Variants in USP47 observed in about 807,000 individuals in gnomAD.
USP47 encodes ubiquitin carboxyl-terminal hydrolase 47.
A neutral mutation model predicts 165.1 loss-of-function variants in USP47; 35 were observed. The observed-to-expected ratio is 0.21, with a 90% CI of 0.16 to 0.28. The LOEUF (loss-of-function observed/expected upper bound fraction) is 0.28, where lower values mean the gene tolerates loss of function less well. Among genes scored for constraint, USP47 ranks in the 10% least tolerant of loss-of-function variants. The pLI, the probability that USP47 is intolerant of heterozygous loss-of-function variation, is 1.00. For missense variants in USP47, 1,277 were observed against 1,607.4 expected (o/e 0.79, Z 3.52); for synonymous variants, 531 against 544.5 (o/e 0.98, Z 0.35).
intron 19 of USP47, among the ~76,000 whole-genome samples, chr11:11,941,360 C>T (rs541151093): frequency 3.1e-4 from 47 of 151,906 alleles, no homozygotes; most frequent in African/African-American, 9.6e-4. Flanking sequence ...TTTCCTTAAA[C>T]GGTTAGCGTA....
At position 11,884,724 on chromosome 11, in the gene USP47, T is replaced by C. The variant is rs1024012269; in HGVS notation, c.357+144T>C. The C allele has an allele frequency of 1.2e-5, 7 of 603,854 alleles. No individual in the cohort carries two copies. In the East Asian group the frequency reaches 1.2e-4, roughly 10 times the overall value. 37.4% of individuals were successfully genotyped at this position (603,854 alleles called of 1,614,324 possible). On this transcript the variant is annotated intron_variant, in intron 3 of 27. Transcript: ENST00000527733. ...TTTTTCATTTTATGTTGGTTTGTTATAAGTGTGTAGAATAACATAGTTACA... is the reference window on the plus strand; with the variant it reads ...TTTTTCATTTTATGTTGGTTTGTTACAAGTGTGTAGAATAACATAGTTACA...
intron 1 of USP47, among the ~76,000 whole-genome samples, chr11:11,869,016 G>T (rs1849860484): frequency 6.6e-6 from 1 of 151,844 alleles, no homozygotes; most frequent in Non-Finnish European, 1.5e-5. Context: ...ATATATTCTA[G>T]ATACTAATCC....
chr11:11,847,252 T>C (rs1295787927), intron 1 of USP47, among the ~76,000 whole-genome samples: 1 of 151,984 alleles, frequency 6.6e-6, no homozygotes, highest in Non-Finnish European at 1.5e-5. Context: ...GATGATCTGA[T>C]TGTAGTTTTG....
chr11:11,853,954 G>A (rs930833879), intron 1 of USP47, among the ~76,000 whole-genome samples: 2 of 151,720 alleles, frequency 1.3e-5, no homozygotes, highest in African/African-American at 2.4e-5. Context: ...GTGAAACCCC[G>A]TCTCTACTAA....
At chr11:11,911,098 T>C (rs139746726) in intron 8 of USP47, among the ~76,000 whole-genome samples, 22 of 152,250 alleles carry the variant, frequency 1.4e-4, no homozygotes, top group Admixed American at 1.1e-3. Context: ...ACCCAGTGGA[T>C]AGGCTGAACA....
intron 1 of USP47, among the ~76,000 whole-genome samples, chr11:11,852,874 A>T (rs192011720): frequency 1.6e-4 from 25 of 152,244 alleles, no homozygotes; most frequent in Middle Eastern, 3.4e-3. Flanking sequence ...TGTTCCTCAG[A>T]TGTGCTGTTA....
At chr11:11,915,666 A>G (rs1590368357) in intron 8 of USP47, among the ~76,000 whole-genome samples, 2 of 152,310 alleles carry the variant, frequency 1.3e-5, no homozygotes, top group Middle Eastern at 3.4e-3. Context: ...AATTATCTCA[A>G]AAGTTTCAAT....
At chr11:11,867,610 CTG>C (rs1849766829) in intron 1 of USP47, among the ~76,000 whole-genome samples, 1 of 151,988 alleles carries the variant, frequency 6.6e-6, no homozygotes, top group Non-Finnish European at 1.5e-5. Context: ...TATAATGTAA[CTG>C]ATAGTTTCAA....
Position 11,949,948 on chromosome 11 carries a change from A to G in USP47, c.3408A>G (p.Lys1136=), listed in dbSNP as rs73413252. ...AAGGAATGACTGTACGGCAATCAAA[A>G]GAGGAATTAATTCCTCAGCTCAGGG... is the stretch of plus-strand genomic sequence containing the variant. ...FAKGMTVRQS[K]EELIPQLREQ... Residue 1136 remains lysine (K), a synonymous_variant, in exon 23 of 28, where the codon AAA becomes AAG. Coordinates refer to ENST00000527733, the MANE Select transcript of USP47 (RefSeq NM_001282659.2). 6.5e-3 allele frequency: 10,450 copies of G among 1,613,074 alleles called. 587 individuals carry two copies. The African/African-American group carries it at 0.12, about 19-fold the overall frequency.
chr11:11,897,517 T>G (rs1372249279), intron 4 of USP47, 80 bp from the exon 5 acceptor site: 2 of 1,063,814 alleles, frequency 1.9e-6, no homozygotes, highest in Non-Finnish European at 2.7e-6. Context: ...GAATCTTTAC[T>G]GTGAATTAAA....
At chr11:11,870,351 A>G (rs1275016664) in intron 1 of USP47, among the ~76,000 whole-genome samples, 2 of 152,110 alleles carry the variant, frequency 1.3e-5, no homozygotes, top group African/African-American at 4.8e-5. Flanking sequence ...ACCACATCAG[A>G]CAATATTTTA....
At chr11:11,855,488 T>C (rs1348218237) in intron 1 of USP47, among the ~76,000 whole-genome samples, 1 of 152,194 alleles carries the variant, frequency 6.6e-6, no homozygotes, top group Non-Finnish European at 1.5e-5. Flanking sequence ...ATGCTTATAT[T>C]AAATAAAGTG....
intron 11 of USP47, among the ~76,000 whole-genome samples, chr11:11,923,892 C>A (rs370040903): frequency 1.3e-5 from 2 of 152,350 alleles, no homozygotes; most frequent in African/African-American, 4.8e-5. Flanking sequence ...CAGGAGTTGG[C>A]AAACTATGGC....
At chr11:11,933,804 T>A in intron 15 of USP47, 27 bp from the exon 16 acceptor site, 2 of 1,509,116 alleles carry the variant, frequency 1.3e-6, no homozygotes, top group Non-Finnish European at 1.8e-6. Flanking sequence ...AACTGCAGAG[T>A]TGATGATGAT....
At chr11:11,951,105 C>G (rs957153116) in intron 24 of USP47, 3 of 152,254 alleles carry the variant, frequency 2.0e-5, no homozygotes, top group African/African-American at 7.2e-5. Context: ...TCCATACTCT[C>G]TCCTAGCTTC....
chr11:11,920,305 CA>C lies in USP47; in HGVS notation c.1066-35del, dbSNP rs754481268. The C allele has an allele frequency of 2.5e-6, 4 of 1,606,628 alleles. No homozygotes were observed. In the South Asian group the frequency reaches 4.5e-5, roughly 18 times the overall value. ...GGAATCTGAGATAATATTCCATATTCAATAGACTCTCCCCCTTTTTGTTGTT... is the reference window on the plus strand; with the variant it reads ...GGAATCTGAGATAATATTCCATATTCATAGACTCTCCCCCTTTTTGTTGTT... On this transcript the variant is annotated intron_variant, in intron 9 of 27. Transcript: ENST00000527733.
At chr11:11,855,649 ACCT>A (rs1848997304) in intron 1 of USP47, among the ~76,000 whole-genome samples, 1 of 152,202 alleles carries the variant, frequency 6.6e-6, no homozygotes, top group Non-Finnish European at 1.5e-5. Context: ...CTCATTTACA[ACCT>A]CAGTGAAATT....
intron 20 of USP47, among the ~76,000 whole-genome samples, chr11:11,947,034 A>G (rs1855891371): frequency 6.6e-6 from 1 of 152,126 alleles, no homozygotes; most frequent in Admixed American, 6.5e-5. Flanking sequence ...CAGACCTAAC[A>G]TGGAGGGAGC....
intron 18 of USP47, among the ~76,000 whole-genome samples, chr11:11,938,613 G>A (rs558342136): frequency 6.6e-6 from 1 of 152,166 alleles, no homozygotes; most frequent in African/African-American, 2.4e-5. Flanking sequence ...TACAGGATTG[G>A]AAATGTAAGT....
Sources: gnomAD v4.1 joint callset for allele counts (sites outside exome capture counted in the v4.1 genomes callset) on GRCh38, gnomAD v4.1.1 for gene constraint, MANE v1.5 for transcripts, NCBI Gene and HGNC (gene_info 2026-07-23, HGNC 2026-07-21) for gene names.